The following NECTIN1 variants were observed in gnomAD, a reference collection of about 807,000 sequenced individuals.
NECTIN1 encodes the protein nectin cell adhesion molecule 1.
In NECTIN1, 23 loss-of-function variants were observed where a neutral mutation model predicts 48.0. The ratio of observed to expected loss-of-function variants is 0.48; its 90% CI spans 0.34 to 0.68. The LOEUF (loss-of-function observed/expected upper bound fraction) is 0.68, where lower values mean the gene tolerates loss of function less well. Ranked by LOEUF, NECTIN1 falls within the 30% of genes least tolerant of loss-of-function variation. NECTIN1 has a pLI of 0.01. For missense variants in NECTIN1, 591 were observed against 709.9 expected (o/e 0.83, Z 1.90); for synonymous variants, 270 against 288.9 (o/e 0.93, Z 0.66).
rs1289685133 is a variant in NECTIN1 at position 119,675,256 on chromosome 11, G to A, written c.906C>T (p.Phe302=). Residue 302 remains phenylalanine, a synonymous_variant, in exon 5 of 6, where the codon TTC becomes TTT. Coordinates refer to ENST00000264025, the MANE Select transcript of NECTIN1 (RefSeq NM_002855.5). Reference sequence around the variant, plus strand: ...CCAGGCTGTAGTTGATGGGTCCCTTGAAGAAGAGGGTTCTGTTCTGGGCCT... The same window carrying A: ...CCAGGCTGTAGTTGATGGGTCCCTTAAAGAAGAGGGTTCTGTTCTGGGCCT... ...GVEAQNRTLF[F]KGPINYSLAG... 2 of 1,614,130 alleles carry A rather than the reference G, an allele frequency of 1.2e-6. No individual in the cohort carries two copies. Among genetic ancestry groups the A allele is most frequent in the South Asian group, 2.2e-5 (2 of 91,076 alleles).
chr11:119,721,205 G>A (rs1009735905), intron 1 of NECTIN1, among the ~76,000 whole-genome samples: 10 of 152,332 alleles, frequency 6.6e-5, no homozygotes, highest in South Asian at 2.1e-4. Context: ...AGCTCCTCCC[G>A]GAGAAGGCCG....
chr11:119,708,220 GAGAC>G (rs1466283721), intron 1 of NECTIN1, among the ~76,000 whole-genome samples: 1 of 152,152 alleles, frequency 6.6e-6, no homozygotes, highest in Non-Finnish European at 1.5e-5. Flanking sequence ...GACAGAGACA[GAGAC>G]AGACAGAGAG....
intron 1 of NECTIN1, among the ~76,000 whole-genome samples, chr11:119,690,076 C>T (rs1865226738): frequency 6.6e-6 from 1 of 152,212 alleles, no homozygotes; most frequent in South Asian, 2.1e-4. Flanking sequence ...ATGGATGATA[C>T]AAGAACTGCA....
chr11:119,712,241 TG>T (rs2134334710), intron 1 of NECTIN1, among the ~76,000 whole-genome samples: 1 of 152,278 alleles, frequency 6.6e-6, no homozygotes, highest in South Asian at 2.1e-4. Context: ...TGCTCGTGGC[TG>T]GGTCTCCCTT....
At chr11:119,725,344 A>C (rs905940535) in intron 1 of NECTIN1, among the ~76,000 whole-genome samples, 12 of 152,190 alleles carry the variant, frequency 7.9e-5, no homozygotes, top group African/African-American at 2.9e-4. Flanking sequence ...TCAGGCAACA[A>C]GGGCTACCTG....
At position 119,678,580 on chromosome 11, in the gene NECTIN1, C is replaced by T. The variant is rs750518156; in HGVS notation, c.265G>A (p.Val89Met). The T allele has an allele frequency of 5.8e-5, 94 of 1,614,056 alleles. No individual in the cohort carries two copies. Among genetic ancestry groups the T allele is most frequent in the Non-Finnish European group, 7.4e-5 (87 of 1,180,046 alleles). Residue 89 changes from valine (V) to methionine (M), a missense_variant, in exon 2 of 6, where the codon GTG becomes ATG. Physicochemically the swap from Val to Met is conservative, Grantham distance 21. Coordinates refer to ENST00000264025, the MANE Select transcript of NECTIN1 (RefSeq NM_002855.5). This position sits in a 1 kb window ranked among gnomAD's most constrained non-coding sequence, Gnocchi z 4.4. Reference protein sequence around the residue: ...AIYNPSMGVSVLAPYRERVEF... With the variant: ...AIYNPSMGVSMLAPYRERVEF... ...ACACGCTCGCGGTAGGGAGCCAGCA[C>T]GGACACGCCCATGGATGGGTTGTAG...
intron 5 of NECTIN1, among the ~76,000 whole-genome samples, chr11:119,644,006 A>T (rs1864360982): frequency 6.6e-6 from 1 of 152,228 alleles, no homozygotes; most frequent in Non-Finnish European, 1.5e-5. Context: ...ACTTGGGTCC[A>T]GTTGACCACT....
At position 119,661,136 on chromosome 11, in the gene NECTIN1, T is replaced by C. The variant is rs568975078; in HGVS notation, c.*3611A>G. On this transcript the variant is annotated 3_prime_UTR_variant, in exon 6 of 6. Transcript: ENST00000264025. Reference sequence around the variant, plus strand: ...CCAGGAGGATCTGCTGGGCTGTCCCTGGACCAAAGGCGGAAAGGGCGACAA... The same window carrying C: ...CCAGGAGGATCTGCTGGGCTGTCCCCGGACCAAAGGCGGAAAGGGCGACAA... 1.3e-5 allele frequency: 13 copies of C among 985,852 alleles called. No individual in the cohort carries two copies. The East Asian group carries it at 1.1e-3, about 86-fold the overall frequency. The allele number at this position is 985,852 out of a possible 1,614,324, so 61.1% of individuals were successfully genotyped here.
chr11:119,718,686 G>A (rs1187630118), intron 1 of NECTIN1, among the ~76,000 whole-genome samples: 2 of 152,204 alleles, frequency 1.3e-5, no homozygotes, highest in Admixed American at 6.5e-5. Context: ...CATGGTGTGT[G>A]TGAGGGGGCC....
intron 5 of NECTIN1, among the ~76,000 whole-genome samples, chr11:119,645,282 C>T (rs961223843): frequency 2.0e-5 from 3 of 152,158 alleles, no homozygotes; most frequent in Non-Finnish European, 4.4e-5. Flanking sequence ...CCCCCAATGA[C>T]CAGAGAGGCA....
chr11:119,639,005 G>T (rs1287840846), intron 6 of NECTIN1, among the ~76,000 whole-genome samples: 1 of 152,064 alleles, frequency 6.6e-6, no homozygotes, highest in Admixed American at 6.5e-5. Flanking sequence ...GAGAGTGCCC[G>T]GCCACCTTTC....
intron 5 of NECTIN1, chr11:119,640,178 G>C (rs1029638165): frequency 4.4e-5 from 32 of 730,294 alleles, no homozygotes; most frequent in Non-Finnish European, 2.3e-5. Context: ...CTCCCAGCCG[G>C]TGTGGGATGG....
In NECTIN1 at chr11:119,709,374, C is replaced by A. The variant is rs1865598249; in HGVS notation, c.79+19101G>T. ...GCCCAGGGCGCCTCTGTCTGCCACG[C>A]ACTTGCCTGGGCCACTCTGCTACCT... is the stretch of plus-strand genomic sequence containing the variant. On this transcript the variant is annotated intron_variant, in intron 1 of 5. Coordinates refer to ENST00000264025, the MANE Select transcript of NECTIN1 (RefSeq NM_002855.5). This position sits in a 1 kb window ranked among gnomAD's most constrained non-coding sequence, Gnocchi z 4.1. Among the ~76,000 whole-genome samples, 1 of 152,190 alleles carries A rather than the reference C, an allele frequency of 6.6e-6. No homozygotes were observed. Among genetic ancestry groups the A allele is most frequent in the African/African-American group, 2.4e-5 (1 of 41,452 alleles).
chr11:119,690,812 C>T (rs1191822229), intron 1 of NECTIN1, among the ~76,000 whole-genome samples: 9 of 152,184 alleles, frequency 5.9e-5, no homozygotes, highest in South Asian at 2.1e-4. Flanking sequence ...TGGGGGAACT[C>T]GGGGACAGGG....
intron 1 of NECTIN1, among the ~76,000 whole-genome samples, chr11:119,725,794 G>T (rs1474226783): frequency 6.6e-6 from 1 of 152,162 alleles, no homozygotes; most frequent in Non-Finnish European, 1.5e-5. Flanking sequence ...TCTCTTTCCA[G>T]ACAAAAGGTG....
In NECTIN1 at chr11:119,664,569, C is replaced by A; in HGVS notation, c.*178G>T. ...GGCGGAGGAGAGGGAGGAAATAAAA[C>A]ACAAAGCCAAGTCGTGGCTGCCCTG... On this transcript the variant is annotated 3_prime_UTR_variant, in exon 6 of 6. Coordinates refer to ENST00000264025, the MANE Select transcript of NECTIN1 (RefSeq NM_002855.5). 3 of 1,433,968 alleles carry A rather than the reference C, an allele frequency of 2.1e-6. No individual in the cohort carries two copies. Among genetic ancestry groups the A allele is most frequent in the Middle Eastern group, 2.6e-4 (1 of 3,868 alleles). The allele number at this position is 1,433,968 out of a possible 1,614,324, so 88.8% of individuals were successfully genotyped here. A position where few individuals can be genotyped will look rare whatever the true frequency, so the allele number is the denominator to read the frequency against.
Position 119,709,564 on chromosome 11 carries a change from T to C in NECTIN1, c.79+18911A>G, listed in dbSNP as rs949485992. Among the ~76,000 whole-genome samples, 2 of 151,912 alleles carry C rather than the reference T, an allele frequency of 1.3e-5. No individual in the cohort carries two copies. The highest frequency in any genetic ancestry group is 1.9e-4 in the East Asian group (1 of 5,148). On this transcript the variant is annotated intron_variant, in intron 1 of 5. Coordinates refer to ENST00000264025, the MANE Select transcript of NECTIN1 (RefSeq NM_002855.5). This position sits in a 1 kb window ranked among gnomAD's most constrained non-coding sequence, Gnocchi z 4.1. Reference sequence around the variant, plus strand: ...TTGGGGAAGGGAAGGGCTAGCTCCCTAGTCTGTAAGGGCAGAAGGTGCTCT... The same window carrying C: ...TTGGGGAAGGGAAGGGCTAGCTCCCCAGTCTGTAAGGGCAGAAGGTGCTCT...
chr11:119,644,583 G>A (rs975907194), intron 5 of NECTIN1, among the ~76,000 whole-genome samples: 1 of 152,230 alleles, frequency 6.6e-6, no homozygotes, highest in African/African-American at 2.4e-5. Flanking sequence ...TGAGGGGCTT[G>A]CCCCCTGGCT....
chr11:119,663,559 C>T lies in NECTIN1; in HGVS notation c.*1188G>A, dbSNP rs1252855085. ...TGTGTGAGGCATTGTATGGACTCCTCAGTCCCTCGGACTGTGTTTGCAGAG... is the reference window on the plus strand; with the variant it reads ...TGTGTGAGGCATTGTATGGACTCCTTAGTCCCTCGGACTGTGTTTGCAGAG... On this transcript the variant is annotated 3_prime_UTR_variant, in exon 6 of 6. Transcript: ENST00000264025. 2 of 985,464 alleles carry T rather than the reference C, an allele frequency of 2.0e-6. No homozygotes were observed. Among genetic ancestry groups the T allele is most frequent in the African/African-American group, 3.5e-5 (2 of 57,250 alleles). 61.0% of individuals were successfully genotyped at this position (985,464 alleles called of 1,614,324 possible).
Sources: gnomAD v4.1 joint callset for allele counts (sites outside exome capture counted in the v4.1 genomes callset) on GRCh38, gnomAD v4.1.1 for gene constraint, Gnocchi (gnomAD v3.1) non-coding constraint, MANE v1.5 for transcripts, NCBI Gene and HGNC (gene_info 2026-07-23, HGNC 2026-07-21) for gene names.